The following KCNIP4 variants were observed in gnomAD, a reference collection of about 807,000 sequenced individuals.
KCNIP4 encodes potassium voltage-gated channel interacting protein 4, also known as Kv channel-interacting protein 4.
A neutral mutation model predicts 34.0 loss-of-function variants in KCNIP4; 12 were observed. The ratio of observed to expected loss-of-function variants is 0.35; its 90% CI spans 0.23 to 0.57. The LOEUF (loss-of-function observed/expected upper bound fraction) is 0.57, where lower values mean the gene tolerates loss of function less well. Among genes scored for constraint, KCNIP4 ranks in the 20% least tolerant of loss-of-function variants. The pLI is 0.83. For missense variants in KCNIP4, 238 were observed against 311.7 expected (o/e 0.76, Z 1.78); for synonymous variants, 124 against 102.2 (o/e 1.21, Z -1.29).
intron 1 of KCNIP4, among the ~76,000 whole-genome samples, chr4:21,860,130 T>TTTTGC (rs1369818617): frequency 6.6e-6 from 1 of 152,058 alleles, no homozygotes; most frequent in African/African-American, 2.4e-5. Context: ...TGTCAATAAT[T>TTTTGC]TTTGTTTTGT....
Position 21,720,441 on chromosome 4 carries a change from T to C in KCNIP4, c.61+228130A>G, listed in dbSNP as rs1714727248. On this transcript the variant is annotated intron_variant, in intron 1 of 8. Coordinates refer to ENST00000382152, the MANE Select transcript of KCNIP4 (RefSeq NM_025221.6). Reference sequence around the variant, plus strand: ...ATATCTAAGTGATAGAAAACTTTTTTCTTATTTTGTTTTATTTTCTTTATT... The same window carrying C: ...ATATCTAAGTGATAGAAAACTTTTTCCTTATTTTGTTTTATTTTCTTTATT... 3.3e-5 allele frequency among the ~76,000 whole-genome samples: 5 copies of C among 152,108 alleles called. No homozygotes were observed. The South Asian group carries it at 1.0e-3, about 32-fold the overall frequency.
intron 1 of KCNIP4, among the ~76,000 whole-genome samples, chr4:21,556,930 A>AAAAAC (rs757334653): frequency 3.7e-5 from 4 of 108,192 alleles, no homozygotes; most frequent in African/African-American, 1.3e-4. Flanking sequence ...CAGAAAAAAA[A>AAAAAC]AAAAAAAAAA....
chr4:20,887,235 G>A (rs905935302), intron 1 of KCNIP4, among the ~76,000 whole-genome samples: 3 of 151,816 alleles, frequency 2.0e-5, no homozygotes, highest in Admixed American at 6.6e-5. Flanking sequence ...TAAAAATAAA[G>A]AGAGCTTTAC....
intron 2 of KCNIP4, among the ~76,000 whole-genome samples, chr4:20,851,681 C>A (rs1464225073): frequency 2.0e-5 from 3 of 152,162 alleles, no homozygotes; most frequent in Admixed American, 2.0e-4. Context: ...TTCTCTACAA[C>A]CTCACCAGCA....
chr4:21,707,932 T>TACACACACACACAC (rs3050896), intron 1 of KCNIP4, among the ~76,000 whole-genome samples: 1 of 146,824 alleles, frequency 6.8e-6, no homozygotes, highest in African/African-American at 2.5e-5. Context: ...AACACACACA[T>TACACACACACACAC]ACACACACAC....
intron 1 of KCNIP4, among the ~76,000 whole-genome samples, chr4:20,962,712 C>G (rs1577443835): frequency 6.6e-6 from 1 of 152,136 alleles, no homozygotes; most frequent in African/African-American, 2.4e-5. Flanking sequence ...AAAATGCACA[C>G]CATCAAATGA....
At chr4:21,685,406 CA>C (rs557233090) in intron 1 of KCNIP4, among the ~76,000 whole-genome samples, 194 of 152,162 alleles carry the variant, frequency 1.3e-3, no homozygotes, top group African/African-American at 4.5e-3. Flanking sequence ...TAAACTTGTC[CA>C]AGGTCACCTG....
chr4:21,634,771 C>T (rs992727629), intron 1 of KCNIP4, among the ~76,000 whole-genome samples: 8 of 152,090 alleles, frequency 5.3e-5, no homozygotes, highest in Non-Finnish European at 1.0e-4. Context: ...AACTGCTTTG[C>T]TAAATTTACA....
At chr4:20,862,935 A>G (rs1428573116) in intron 2 of KCNIP4, among the ~76,000 whole-genome samples, 1 of 152,172 alleles carries the variant, frequency 6.6e-6, no homozygotes, top group African/African-American at 2.4e-5. Flanking sequence ...ACATGGATAC[A>G]TAGAAGGGAA....
rs143381247 is a variant in KCNIP4 at position 21,240,950 on chromosome 4, T to G, written c.62-358241A>C. Among the ~76,000 whole-genome samples the G allele has an allele frequency of 9.4e-3, 1,436 of 152,316 alleles. 26 individuals are homozygous for G. The highest frequency in any genetic ancestry group is 0.033 in the African/African-American group (1,361 of 41,568). On this transcript the variant is annotated intron_variant, in intron 1 of 8. Transcript: ENST00000382152. ...TTATCCATAAAAATGTTCATTTCAT[T>G]GTAATTTATAACACAAAAAAGTGCA...
At chr4:20,766,221 G>A (rs181981301) in intron 3 of KCNIP4, among the ~76,000 whole-genome samples, 9 of 152,180 alleles carry the variant, frequency 5.9e-5, no homozygotes, top group Admixed American at 5.2e-4. Context: ...TCCCAAATTA[G>A]AAAATAGCAG....
At chr4:20,950,179 G>T (rs1732635186) in intron 1 of KCNIP4, among the ~76,000 whole-genome samples, 2 of 147,220 alleles carry the variant, frequency 1.4e-5, no homozygotes, top group South Asian at 4.3e-4. Flanking sequence ...AGAGAAAGGA[G>T]AATACATGCC....
At chr4:21,762,408 ATTG>A (rs1718119686) in intron 1 of KCNIP4, among the ~76,000 whole-genome samples, 1 of 152,082 alleles carries the variant, frequency 6.6e-6, no homozygotes, top group Non-Finnish European at 1.5e-5. Flanking sequence ...AAGATTAGAA[ATTG>A]TTGTCTTTTC....
At chr4:21,399,615 C>T (rs1018759136) in intron 1 of KCNIP4, among the ~76,000 whole-genome samples, 16 of 151,720 alleles carry the variant, frequency 1.1e-4, no homozygotes, top group Non-Finnish European at 2.2e-4. Flanking sequence ...AGATAAAATA[C>T]AGGAGGCTTG....
chr4:20,869,342 G>A (rs763586329), intron 2 of KCNIP4, among the ~76,000 whole-genome samples: 12 of 151,960 alleles, frequency 7.9e-5, no homozygotes, highest in Non-Finnish European at 1.3e-4. Flanking sequence ...CATGTTCAAT[G>A]GCATAGAAAT....
At chr4:21,219,293 C>T (rs979424322) in intron 1 of KCNIP4, among the ~76,000 whole-genome samples, 8 of 152,030 alleles carry the variant, frequency 5.3e-5, no homozygotes, top group African/African-American at 2.4e-5. Context: ...GCAAGGTGCT[C>T]GTCAAAAAGC....
intron 1 of KCNIP4, among the ~76,000 whole-genome samples, chr4:21,698,448 T>TTA (rs1285919387): frequency 1.3e-5 from 2 of 152,180 alleles, no homozygotes; most frequent in African/African-American, 4.8e-5. Flanking sequence ...ATCAACTTTT[T>TTA]TAAAGTTAAT....
intron 6 of KCNIP4, 77 bp from the exon 7 acceptor site, chr4:20,732,862 TC>T (rs1246278295): frequency 1.2e-6 from 1 of 866,696 alleles, no homozygotes; most frequent in African/African-American, 1.7e-5. Context: ...GACAGATTTT[TC>T]CTACTCAATT....
chr4:20,735,874 A>G (rs1749509799), intron 5 of KCNIP4, among the ~76,000 whole-genome samples: 1 of 152,164 alleles, frequency 6.6e-6, no homozygotes, highest in African/African-American at 2.4e-5. Flanking sequence ...TAACGTTACA[A>G]TGTGCTGTAT....
Sources: allele counts gnomAD v4.1 joint callset (sites outside exome capture counted in the v4.1 genomes callset), GRCh38; gene constraint gnomAD v4.1.1; transcripts MANE v1.5; gene names NCBI Gene and HGNC (gene_info 2026-07-23, HGNC 2026-07-21).